The following BRINP2 variants were observed in gnomAD, a reference collection of about 807,000 sequenced individuals.
BRINP2 encodes the protein BMP/retinoic acid inducible neural specific 2, also known as BMP/retinoic acid-inducible neural-specific protein 2.
A neutral mutation model predicts 69.2 loss-of-function variants in BRINP2; 21 were observed. The observed-to-expected ratio is 0.30, with a 90% confidence interval of 0.22 to 0.44. BRINP2 has a LOEUF of 0.44. Among genes scored for constraint, BRINP2 ranks in the 20% least tolerant of loss-of-function variants. The pLI is 1.00. For synonymous variants in BRINP2, 380 were observed against 394.1 expected, an observed-to-expected ratio of 0.96 and a Z score of 0.42; for missense variants, 877 against 986.0, an observed-to-expected ratio of 0.89 and a Z score of 1.48.
chr1:177,251,054 T>C (rs1650566395), intron 2 of BRINP2, among the ~76,000 whole-genome samples: 2 of 152,232 alleles, frequency 1.3e-5, no homozygotes, highest in African/African-American at 4.8e-5. Flanking sequence ...TATTTGCTCA[T>C]AAAAAGCTTC....
chr1:177,272,152 A>G (rs1249428245), intron 4 of BRINP2, among the ~76,000 whole-genome samples: 2 of 151,792 alleles, frequency 1.3e-5, no homozygotes. Context: ...TCCACTCCCT[A>G]CTTCTCCTTA....
intron 4 of BRINP2, among the ~76,000 whole-genome samples, chr1:177,258,237 G>A (rs1033790538): frequency 3.3e-5 from 5 of 152,194 alleles, no homozygotes; most frequent in Non-Finnish European, 7.3e-5. Context: ...TACTGTACTT[G>A]AGAATACAGT....
chr1:177,234,442 C>G (rs1649954440), intron 2 of BRINP2, among the ~76,000 whole-genome samples: 1 of 152,192 alleles, frequency 6.6e-6, no homozygotes, highest in Admixed American at 6.5e-5. Flanking sequence ...TTTCTTGAAA[C>G]AATCTAGTGG....
At chr1:177,247,242 A>C (rs1328859010) in intron 2 of BRINP2, among the ~76,000 whole-genome samples, 2 of 152,242 alleles carry the variant, frequency 1.3e-5, no homozygotes. Context: ...GAAAATCAGC[A>C]GTGTGAAACT....
At chr1:177,249,030 A>AT (rs1650493909) in intron 2 of BRINP2, among the ~76,000 whole-genome samples, 1 of 152,074 alleles carries the variant, frequency 6.6e-6, no homozygotes, top group Admixed American at 6.5e-5. Flanking sequence ...CAGAAGCATC[A>AT]TTTTTTGGCA....
At chr1:177,214,501 A>G (rs190025337) in intron 1 of BRINP2, among the ~76,000 whole-genome samples, 188 of 152,360 alleles carry the variant, frequency 1.2e-3, no homozygotes, top group Non-Finnish European at 2.0e-3. Context: ...AGCAGTTGCA[A>G]TAAATTCCAA....
At chr1:177,270,179 T>C (rs1435206512) in intron 4 of BRINP2, among the ~76,000 whole-genome samples, 2 of 151,982 alleles carry the variant, frequency 1.3e-5, no homozygotes, top group Non-Finnish European at 2.9e-5. Flanking sequence ...TCTTTTCACC[T>C]CCTTTACTTC....
intron 3 of BRINP2, 80 bp from the exon 4 acceptor site, chr1:177,257,096 G>T (rs762768109): frequency 1.0e-4 from 162 of 1,592,598 alleles, no homozygotes; most frequent in Non-Finnish European, 1.3e-4. Context: ...TGTCTATCTT[G>T]GCCAAGGGTT....
chr1:177,254,595 T>G (rs1218298727), intron 2 of BRINP2, among the ~76,000 whole-genome samples: 1 of 152,040 alleles, frequency 6.6e-6, no homozygotes, highest in Non-Finnish European at 1.5e-5. Flanking sequence ...AGTTGCAAGC[T>G]GAACTAGCCA....
At chr1:177,225,233 C>CTTTGT (rs1376696003) in intron 1 of BRINP2, among the ~76,000 whole-genome samples, 1 of 152,288 alleles carries the variant, frequency 6.6e-6, no homozygotes, top group African/African-American at 2.4e-5. Context: ...AAAGCTGTGA[C>CTTTGT]CCATTTACTC....
intron 1 of BRINP2, 117 bp from the exon 2 acceptor site, chr1:177,229,684 A>C (rs1291344392): frequency 3.0e-6 from 2 of 674,440 alleles, no homozygotes. Context: ...CCGAGAACGA[A>C]GTTATGTTAC....
intron 4 of BRINP2, among the ~76,000 whole-genome samples, chr1:177,261,594 A>G (rs533208327): frequency 6.6e-6 from 1 of 152,364 alleles, no homozygotes; most frequent in South Asian, 2.1e-4. Context: ...ACATCTTACT[A>G]GAGAAATCTA....
intron 1 of BRINP2, among the ~76,000 whole-genome samples, chr1:177,173,249 G>A (rs974746114): frequency 5.3e-5 from 8 of 152,198 alleles, no homozygotes; most frequent in Non-Finnish European, 1.0e-4. Flanking sequence ...TATCAGAGCT[G>A]CTGCCTACTC....
rs1650746469 is a variant in BRINP2, at chr1:177,256,096, T to C, written c.447T>C (p.Ser149=). ...IKKYGTHFLL[S]ATLGGEESLT... Reference sequence around the variant, plus strand: ...AGTACGGCACTCATTTCTTACTTTCTGCCACCCTTGGAGGTAAGCAACATC... The same window carrying C: ...AGTACGGCACTCATTTCTTACTTTCCGCCACCCTTGGAGGTAAGCAACATC... The change falls in exon 3 of 8, where the codon TCT becomes TCC. Residue 149 remains serine (S), a synonymous_variant. Transcript: ENST00000361539. 1 of 1,613,976 alleles carries C rather than the reference T, an allele frequency of 6.2e-7. No homozygotes were observed. Among genetic ancestry groups the C allele is most frequent in the South Asian group, 1.1e-5 (1 of 91,076 alleles).
intron 5 of BRINP2, among the ~76,000 whole-genome samples, chr1:177,274,050 A>G (rs1307144965): frequency 6.6e-6 from 1 of 152,198 alleles, no homozygotes; most frequent in African/African-American, 2.4e-5. Context: ...GTGGGGGACC[A>G]CTACTTACTG....
chr1:177,172,346 A>G (rs1647961301), intron 1 of BRINP2, among the ~76,000 whole-genome samples: 1 of 152,212 alleles, frequency 6.6e-6, no homozygotes, highest in African/African-American at 2.4e-5. Flanking sequence ...CTAGGGAAGA[A>G]CATTGCTGTG....
chr1:177,253,137 T>C (rs1205307508), intron 2 of BRINP2, among the ~76,000 whole-genome samples: 1 of 152,178 alleles, frequency 6.6e-6, no homozygotes, highest in Non-Finnish European at 1.5e-5. Context: ...GTTTTCATAA[T>C]GACTGCACTA....
intron 4 of BRINP2, among the ~76,000 whole-genome samples, chr1:177,270,637 G>A (rs1651289016): frequency 6.6e-6 from 1 of 152,122 alleles, no homozygotes; most frequent in African/African-American, 2.4e-5. Flanking sequence ...AGGCTTGTTA[G>A]CTTCCTTCTT....
intron 3 of BRINP2, 155 bp downstream of exon 3, chr1:177,256,264 G>C (rs2861919): frequency 0.39 from 373,152 of 968,022 alleles, 73,880 homozygotes; most frequent in South Asian, 0.51. Flanking sequence ...GCAGTCTCTT[G>C]ACATCTCAAT....
Sources: gnomAD v4.1 joint callset for allele counts (sites outside exome capture counted in the v4.1 genomes callset) on GRCh38, gnomAD v4.1.1 for gene constraint, MANE v1.5 for transcripts, NCBI Gene and HGNC (gene_info 2026-07-23, HGNC 2026-07-21) for gene names.